NDUFB6: variants seen among roughly 807,000 people sequenced by gnomAD.
The protein encoded by NDUFB6 is NADH dehydrogenase [ubiquinone] 1 beta subcomplex subunit 6.
Under a neutral mutation model 17.5 loss-of-function variants are expected in NDUFB6, and 23 were observed. That is an observed-to-expected ratio of 1.31 (90% CI 0.94 to 1.86). The LOEUF is 1.86. Among genes scored for constraint, NDUFB6 ranks in the 40% most tolerant of loss-of-function variants. The pLI, the probability that NDUFB6 is intolerant of heterozygous loss-of-function variation, is 0.00. For synonymous variants in NDUFB6, 60 were observed against 53.5 expected, an observed-to-expected ratio of 1.12 and a Z score of -0.53; for missense variants, 167 against 153.8, an observed-to-expected ratio of 1.09 and a Z score of -0.46.
chr9:32,556,271 G>A (rs1821451680), intron 3 of NDUFB6, among the ~76,000 whole-genome samples: 1 of 152,214 alleles, frequency 6.6e-6, no homozygotes, highest in Non-Finnish European at 1.5e-5. Context: ...TATTTGGGAA[G>A]ATGACAGTGA....
At chr9:32,555,571 CA>C (rs1233877850) in intron 3 of NDUFB6, among the ~76,000 whole-genome samples, 1 of 152,192 alleles carries the variant, frequency 6.6e-6, no homozygotes, top group African/African-American at 2.4e-5. Flanking sequence ...AGATGTCTAC[CA>C]AATATTTTTC....
In NDUFB6 at chr9:32,563,525, T is replaced by A. The variant is rs922072011; in HGVS notation, c.274-4571A>T. Among the ~76,000 whole-genome samples, 3 of 130,618 alleles carry A rather than the reference T, an allele frequency of 2.3e-5. No homozygotes were observed. The Admixed American group carries it at 2.3e-4, about 10-fold the overall frequency. The allele number at this position is 130,618 out of a possible 152,430, so 85.7% of individuals were successfully genotyped here. A position where few individuals can be genotyped will look rare whatever the true frequency, so the allele number is the denominator to read the frequency against. The stretch of plus-strand genomic sequence containing the variant: ...TTTTTGGAGGGATGGGGTCTCATTA[T>A]GTTGCCCAGGTTGATCTCAAACTCT... On this transcript the variant is annotated intron_variant, in intron 2 of 3. Coordinates refer to ENST00000379847, the MANE Select transcript of NDUFB6 (RefSeq NM_002493.5).
intron 2 of NDUFB6, chr9:32,567,226 T>C (rs1415056385): frequency 2.1e-6 from 1 of 474,088 alleles, no homozygotes; most frequent in South Asian, 1.5e-5. Context: ...CTACACCAGG[T>C]GTGCTCTGCA....
At chr9:32,554,424 A>G (rs73479442) in intron 3 of NDUFB6, among the ~76,000 whole-genome samples, 20 of 152,342 alleles carry the variant, frequency 1.3e-4, no homozygotes, top group African/African-American at 4.8e-4. Flanking sequence ...TTCTTGATAT[A>G]GATGTGGGCA....
At chr9:32,556,759 A>G (rs1263641965) in intron 3 of NDUFB6, among the ~76,000 whole-genome samples, 1 of 152,018 alleles carries the variant, frequency 6.6e-6, no homozygotes, top group Non-Finnish European at 1.5e-5. Context: ...AGCTGGAAAA[A>G]CCAGCAAGAT....
At chr9:32,559,566 C>A (rs953584719) in intron 2 of NDUFB6, among the ~76,000 whole-genome samples, 5 of 152,174 alleles carry the variant, frequency 3.3e-5, no homozygotes, top group Non-Finnish European at 7.3e-5. Context: ...TTCAGTCAAG[C>A]CTGCTTGTGC....
At chr9:32,565,009 C>T (rs1363218381) in intron 2 of NDUFB6, among the ~76,000 whole-genome samples, 1 of 152,152 alleles carries the variant, frequency 6.6e-6, no homozygotes, top group Non-Finnish European at 1.5e-5. Flanking sequence ...AACAATTCAG[C>T]AGGCCAGGTG....
intron 2 of NDUFB6, among the ~76,000 whole-genome samples, chr9:32,563,031 G>C (rs1410135873): frequency 6.6e-6 from 1 of 152,156 alleles, no homozygotes; most frequent in Non-Finnish European, 1.5e-5. Flanking sequence ...CCAATAATGA[G>C]GGAGAACAGC....
At chr9:32,565,481 A>G (rs1432949587) in intron 2 of NDUFB6, 4 of 152,176 alleles carry the variant, frequency 2.6e-5, no homozygotes, top group Admixed American at 2.0e-4. Flanking sequence ...TTGTCCCTCA[A>G]ACAAGAGTGG....
chr9:32,563,357 G>C (rs567815923), intron 2 of NDUFB6, among the ~76,000 whole-genome samples: 3 of 151,600 alleles, frequency 2.0e-5, no homozygotes, highest in African/African-American at 4.8e-5. Flanking sequence ...TTTTGATTCA[G>C]ATGGGAGTCT....
At chr9:32,563,970 T>C (rs1391495240) in intron 2 of NDUFB6, among the ~76,000 whole-genome samples, 1 of 152,176 alleles carries the variant, frequency 6.6e-6, no homozygotes, top group Admixed American at 6.5e-5. Flanking sequence ...TTATACTTTC[T>C]CTCCTCCCGC....
chr9:32,563,961 T>C (rs1033367458), intron 2 of NDUFB6, among the ~76,000 whole-genome samples: 13 of 152,226 alleles, frequency 8.5e-5, no homozygotes, highest in African/African-American at 3.1e-4. Context: ...AAGCTCATCT[T>C]ATACTTTCTC....
At chr9:32,570,401 T>C (rs901781869) in intron 2 of NDUFB6, among the ~76,000 whole-genome samples, 4 of 152,168 alleles carry the variant, frequency 2.6e-5, no homozygotes, top group African/African-American at 9.7e-5. Flanking sequence ...GCCCTTCTCA[T>C]TCTGCCTGGG....
chr9:32,565,181 T>C (rs1821745327), intron 2 of NDUFB6, among the ~76,000 whole-genome samples: 1 of 151,702 alleles, frequency 6.6e-6, no homozygotes, highest in South Asian at 2.1e-4. Flanking sequence ...TAATCCCAGC[T>C]ACTTGGTAGG....
At chr9:32,557,138 GTT>G (rs1821482527) in intron 3 of NDUFB6, among the ~76,000 whole-genome samples, 1 of 145,366 alleles carries the variant, frequency 6.9e-6, no homozygotes, top group Non-Finnish European at 1.5e-5. Flanking sequence ...CATTACAGGT[GTT>G]AGCCACCGCG....
Position 32,571,055 on chromosome 9 carries a change from G to C in NDUFB6, c.181-3C>G, listed in dbSNP as rs761634938. 3 of 1,581,110 alleles carry C rather than the reference G, an allele frequency of 1.9e-6. No homozygotes were observed. The East Asian group carries it at 6.8e-5, about 36-fold the overall frequency. The stretch of plus-strand genomic sequence containing the variant: ...CTCTTTTTGTATACCCCATGGACCT[G>C]GGGGGAAAAACACATACACAAAATA... On this transcript the variant is annotated splice_polypyrimidine_tract_variant and splice_region_variant and intron_variant, in intron 1 of 3. Transcript: ENST00000379847.
Position 32,563,966 on chromosome 9 carries a change from T to C in NDUFB6, c.274-5012A>G, listed in dbSNP as rs554460382. ...AATATGTTCCAAGCTCATCTTATAC[T>C]TTCTCTCCTCCCGCCCTAGAATTGG... On this transcript the variant is annotated intron_variant, in intron 2 of 3. Coordinates refer to ENST00000379847, the MANE Select transcript of NDUFB6 (RefSeq NM_002493.5). Among the ~76,000 whole-genome samples the C allele has an allele frequency of 2.2e-4, 34 of 152,370 alleles. No homozygotes were observed. In the South Asian group the frequency reaches 6.6e-3, roughly 30 times the overall value.
chr9:32,567,368 G>T (rs1054074147), intron 2 of NDUFB6: 3 of 467,654 alleles, frequency 6.4e-6, no homozygotes, highest in Non-Finnish European at 4.4e-6. Flanking sequence ...ATGGAGTCTC[G>T]CTCTGTCACC....
rs202217879 is a variant in NDUFB6, at chr9:32,566,433, G to C, written c.273+4527C>G. On this transcript the variant is annotated intron_variant, in intron 2 of 3. Transcript: ENST00000379847. ...GGAGCCTGCTCTCCCTGTTACTGTA[G>C]GGGTTGATGGAGTATCTTGACAAGC... The C allele has an allele frequency of 7.5e-5, 63 of 836,528 alleles. No individual in the cohort carries two copies. In the East Asian group the frequency reaches 1.5e-3, roughly 20 times the overall value. The allele number at this position is 836,528 out of a possible 1,614,324, so 51.8% of individuals were successfully genotyped here.
Sources: allele counts gnomAD v4.1 joint callset (sites outside exome capture counted in the v4.1 genomes callset), GRCh38; gene constraint gnomAD v4.1.1; transcripts MANE v1.5; gene names NCBI Gene and HGNC (gene_info 2026-07-23, HGNC 2026-07-21).